Variants in MCPH1 observed in about 807,000 individuals in gnomAD.
The protein encoded by MCPH1 is microcephalin.
MCPH1 carries 104 observed loss-of-function variants against 84.5 expected under a neutral mutation model. That is an observed-to-expected ratio of 1.23 (90% confidence interval 1.05 to 1.45). The LOEUF (loss-of-function observed/expected upper bound fraction) is 1.45. MCPH1 is among the 40% of genes most tolerant of loss of function. The probability of loss-of-function intolerance (pLI) is 0.00; values close to 1 mark genes in which losing one functional copy is unlikely to be tolerated. For missense variants in MCPH1, 1,498 were observed against 1,005.7 expected (o/e 1.49, Z -6.62); for synonymous variants, 514 against 366.8 (o/e 1.40, Z -4.58).
chr8:6,467,457 G>T (rs1477138120), intron 9 of MCPH1, among the ~76,000 whole-genome samples: 1 of 152,106 alleles, frequency 6.6e-6, no homozygotes, highest in Non-Finnish European at 1.5e-5. Context: ...TTTATAGGTT[G>T]TGTCTTTTGT....
chr8:6,642,625 A>G, intron 13 of MCPH1: 1 of 376,138 alleles, frequency 2.7e-6, no homozygotes, highest in East Asian at 6.3e-5. Context: ...GCCTTATGCC[A>G]AGAGTACTGG....
chr8:6,413,779 G>C (rs1464763347), intron 2 of MCPH1, among the ~76,000 whole-genome samples: 2 of 150,060 alleles, frequency 1.3e-5, no homozygotes, highest in East Asian at 3.9e-4. Flanking sequence ...TTTGGAGATG[G>C]AGTCTTGCTG....
At chr8:6,426,321 T>G (rs991411825) in intron 3 of MCPH1, among the ~76,000 whole-genome samples, 1 of 152,198 alleles carries the variant, frequency 6.6e-6, no homozygotes, top group Non-Finnish European at 1.5e-5. Flanking sequence ...AAAATCTCCT[T>G]CGTGTCCATT....
At chr8:6,412,174 A>T (rs1167739333) in intron 2 of MCPH1, among the ~76,000 whole-genome samples, 1 of 152,106 alleles carries the variant, frequency 6.6e-6, no homozygotes, top group African/African-American at 2.4e-5. Context: ...CGAATATAGG[A>T]GCAGGGCCTG....
At chr8:6,466,805 A>T (rs1258495712) in intron 9 of MCPH1, among the ~76,000 whole-genome samples, 6 of 150,264 alleles carry the variant, frequency 4.0e-5, no homozygotes, top group Admixed American at 4.0e-4. Context: ...CAAACTCCTG[A>T]CCTCAAGTGT....
At chr8:6,410,344 C>G (rs1032469839) in intron 2 of MCPH1, among the ~76,000 whole-genome samples, 13 of 151,922 alleles carry the variant, frequency 8.6e-5, no homozygotes. Context: ...TTAAAAACTA[C>G]AGAAAGTTCA....
At chr8:6,626,713 C>G (rs1466936764) in intron 13 of MCPH1, 1 of 985,188 alleles carries the variant, frequency 1.0e-6, no homozygotes, top group Non-Finnish European at 1.2e-6. Flanking sequence ...ACCCTGGGGT[C>G]TGAAGGAACT....
At chr8:6,491,475 T>C (rs1810579160) in intron 11 of MCPH1, among the ~76,000 whole-genome samples, 1 of 151,524 alleles carries the variant, frequency 6.6e-6, no homozygotes, top group Non-Finnish European at 1.5e-5. Context: ...TTTTCTAGTA[T>C]TCTTTTTTTT....
chr8:6,577,109 T>C (rs1424734539), intron 12 of MCPH1, among the ~76,000 whole-genome samples: 2 of 152,224 alleles, frequency 1.3e-5, no homozygotes, highest in African/African-American at 2.4e-5. Context: ...GGGTTCCTGC[T>C]GCACAGGAGG....
intron 13 of MCPH1, chr8:6,625,572 A>G: frequency 1.0e-6 from 1 of 984,776 alleles, no homozygotes; most frequent in Non-Finnish European, 1.2e-6. Context: ...TACTCAAAAA[A>G]AAATCAATTA....
intron 12 of MCPH1, among the ~76,000 whole-genome samples, chr8:6,568,067 C>G (rs1028460490): frequency 1.3e-5 from 2 of 152,162 alleles, no homozygotes; most frequent in African/African-American, 2.4e-5. Flanking sequence ...TCTTATTACC[C>G]TGGTTGACGA....
At chr8:6,614,789 C>A (rs1830640534) in intron 12 of MCPH1, among the ~76,000 whole-genome samples, 1 of 152,158 alleles carries the variant, frequency 6.6e-6, no homozygotes, top group South Asian at 2.1e-4. Flanking sequence ...TGTTCACCTC[C>A]CCATTTGCAC....
At chr8:6,625,552 GA>G in intron 13 of MCPH1, 1 of 982,620 alleles carries the variant, frequency 1.0e-6, no homozygotes, top group Non-Finnish European at 1.2e-6. Flanking sequence ...ATTAAATTAT[GA>G]AAAGACAATA....
At chr8:6,622,312 G>A (rs1051536646) in intron 13 of MCPH1, 2 of 160,136 alleles carry the variant, frequency 1.2e-5, no homozygotes, top group African/African-American at 2.4e-5. Flanking sequence ...GATCGGAGGA[G>A]GCTGGAACCC....
intron 12 of MCPH1, among the ~76,000 whole-genome samples, chr8:6,597,595 G>T (rs1048059650): frequency 6.6e-6 from 1 of 152,268 alleles, no homozygotes. Flanking sequence ...TTCTCTGGGG[G>T]CTGGTGCTGC....
At chr8:6,456,609 C>T (rs959624287) in intron 9 of MCPH1, among the ~76,000 whole-genome samples, 1 of 151,718 alleles carries the variant, frequency 6.6e-6, no homozygotes, top group Non-Finnish European at 1.5e-5. Flanking sequence ...CCAGGGAAGC[C>T]GTGGTACCTC....
In MCPH1 at chr8:6,476,336, T is replaced by C. The variant is rs185129464; in HGVS notation, c.1936-1258T>C. Among the ~76,000 whole-genome samples, 191 of 148,452 alleles carry C rather than the reference T, an allele frequency of 1.3e-3. 3 individuals carry two copies. In the East Asian group the frequency reaches 0.032, roughly 25 times the overall value. On this transcript the variant is annotated intron_variant, in intron 9 of 13. Transcript: ENST00000344683. The stretch of plus-strand genomic sequence containing the variant: ...CCCAGCTAGTTGGGAGGCTGAGGCA[T>C]GAGAATTGCTTGAACCCGGGAGATG...
In MCPH1 at chr8:6,525,121, G is replaced by T. The variant is rs142974045; in HGVS notation, c.2214+25192G>T. Reference sequence around the variant, plus strand: ...TAACATTTTCTGACTCTTTAACCCTGCAAACAATATTAACCAGCCAAGGAA... The same window carrying T: ...TAACATTTTCTGACTCTTTAACCCTTCAAACAATATTAACCAGCCAAGGAA... On this transcript the variant is annotated intron_variant, in intron 12 of 13. Coordinates refer to ENST00000344683, the MANE Select transcript of MCPH1 (RefSeq NM_024596.5). Among the ~76,000 whole-genome samples, 39 of 152,258 alleles carry T rather than the reference G, an allele frequency of 2.6e-4. No homozygotes were observed. The East Asian group carries it at 6.9e-3, about 27-fold the overall frequency.
chr8:6,461,161 A>C (rs1268783860), intron 9 of MCPH1, among the ~76,000 whole-genome samples: 1 of 152,122 alleles, frequency 6.6e-6, no homozygotes, highest in Non-Finnish European at 1.5e-5. Context: ...AAAAACCATG[A>C]TTCCATGAAG....
Sources: gnomAD v4.1 joint callset for allele counts (sites outside exome capture counted in the v4.1 genomes callset) on GRCh38, gnomAD v4.1.1 for gene constraint, MANE v1.5 for transcripts, NCBI Gene and HGNC (gene_info 2026-07-23, HGNC 2026-07-21) for gene names.